Variants in EPHB1 observed in about 807,000 individuals in gnomAD.
EPHB1 encodes EPH receptor B1, also known as ephrin type-B receptor 1.
EPHB1 carries 30 observed loss-of-function variants against 94.4 expected under a neutral mutation model. That is an observed-to-expected ratio of 0.32 (90% CI 0.24 to 0.43). EPHB1 has a LOEUF of 0.43. EPHB1 is among the 20% of genes least tolerant of loss of function. The pLI is 1.00. For missense variants in EPHB1, 1,055 were observed against 1,308.3 expected (o/e 0.81, Z 2.99); for synonymous variants, 522 against 489.1 (o/e 1.07, Z -0.89).
At chr3:135,066,834 G>A (rs903249962) in intron 3 of EPHB1, among the ~76,000 whole-genome samples, 4 of 152,130 alleles carry the variant, frequency 2.6e-5, no homozygotes, top group African/African-American at 9.7e-5. Flanking sequence ...TCTGTCAGAG[G>A]GAAAGGGCTG....
intron 1 of EPHB1, among the ~76,000 whole-genome samples, chr3:134,825,802 C>G (rs1454602788): frequency 1.3e-5 from 2 of 152,184 alleles, no homozygotes; most frequent in African/African-American, 4.8e-5. Context: ...CTTTCACGAT[C>G]CTTTTCTTCC....
At position 135,260,291 on chromosome 3, in the gene EPHB1, G is replaced by A. The variant is rs1933587234; in HGVS notation, c.*1171G>A. On this transcript the variant is annotated 3_prime_UTR_variant, in exon 16 of 16. Transcript: ENST00000398015. ...TTAAGCCGTGTGGCATCCGAGGAAT[G>A]TTTCAAATGTGTCTGTGTTTCTCTT... 4.3e-6 allele frequency: 1 copy of A among 233,002 alleles called. No homozygotes were observed. The highest frequency in any genetic ancestry group is 8.5e-6 in the Non-Finnish European group (1 of 117,648). 14.4% of individuals were successfully genotyped at this position (233,002 alleles called of 1,614,324 possible).
intron 12 of EPHB1, among the ~76,000 whole-genome samples, chr3:135,203,960 C>T (rs1942828034): frequency 6.6e-6 from 1 of 152,104 alleles, no homozygotes; most frequent in South Asian, 2.1e-4. Flanking sequence ...AATGATGCCT[C>T]ATTTTTAAAT....
chr3:135,078,547 G>A (rs560766564), intron 3 of EPHB1, among the ~76,000 whole-genome samples: 21 of 152,362 alleles, frequency 1.4e-4, no homozygotes, highest in South Asian at 4.1e-4. Context: ...TGGCCACAGC[G>A]AAATGGGTGG....
At chr3:135,009,200 C>T (rs1403752518) in intron 3 of EPHB1, among the ~76,000 whole-genome samples, 3 of 152,164 alleles carry the variant, frequency 2.0e-5, no homozygotes, top group African/African-American at 7.2e-5. Context: ...TGGCCCATCT[C>T]CAGAGTTGGA....
chr3:135,029,613 C>T (rs1409353189), intron 3 of EPHB1, among the ~76,000 whole-genome samples: 2 of 150,004 alleles, frequency 1.3e-5, no homozygotes, highest in South Asian at 2.2e-4. Flanking sequence ...TGATGGGCTT[C>T]CCTTTGAGGG....
chr3:134,893,979 A>G (rs1281223284), intron 1 of EPHB1, among the ~76,000 whole-genome samples: 1 of 152,162 alleles, frequency 6.6e-6, no homozygotes, highest in African/African-American at 2.4e-5. Context: ...TTTCTTCCCT[A>G]AGGAGCGCTC....
At chr3:134,899,386 G>C (rs533872084) in intron 1 of EPHB1, among the ~76,000 whole-genome samples, 5 of 152,212 alleles carry the variant, frequency 3.3e-5, no homozygotes, top group South Asian at 2.1e-4. Context: ...TGGGCAGCTT[G>C]TTGACCCCCC....
intron 1 of EPHB1, among the ~76,000 whole-genome samples, chr3:134,905,705 G>A (rs2038309625): frequency 6.6e-6 from 1 of 152,206 alleles, no homozygotes. Context: ...GCCAAATCTG[G>A]ACTGACTCTT....
intron 1 of EPHB1, among the ~76,000 whole-genome samples, chr3:134,862,405 A>G (rs1375657078): frequency 6.6e-6 from 1 of 151,608 alleles, no homozygotes; most frequent in Non-Finnish European, 1.5e-5. Context: ...TGATTTAACC[A>G]CAGTTCTTTC....
intron 12 of EPHB1, among the ~76,000 whole-genome samples, chr3:135,240,454 G>A (rs1438295445): frequency 2.0e-5 from 3 of 152,156 alleles, no homozygotes; most frequent in Non-Finnish European, 4.4e-5. Context: ...GGAGAAACAA[G>A]CCTAAGAGTG....
intron 1 of EPHB1, among the ~76,000 whole-genome samples, chr3:134,907,780 G>T (rs1249103201): frequency 1.3e-5 from 2 of 151,988 alleles, no homozygotes; most frequent in African/African-American, 2.4e-5. Context: ...ATTCAGTAAA[G>T]TCTTGGGCCA....
At chr3:135,231,010 G>A (rs796216008) in intron 12 of EPHB1, among the ~76,000 whole-genome samples, 5 of 152,274 alleles carry the variant, frequency 3.3e-5, no homozygotes, top group African/African-American at 1.2e-4. Flanking sequence ...TTGCTGTCAT[G>A]AATAGCGAGG....
At chr3:134,963,135 CTCCTTCCTTCCTTCCT>C (rs59384593) in intron 3 of EPHB1, among the ~76,000 whole-genome samples, 4,932 of 137,066 alleles carry the variant, frequency 0.036, 207 homozygotes, top group African/African-American at 0.097. Flanking sequence ...CCTTCTCTTG[CTCCTTCCTTCCTTCCT>C]TCCTTCCTTC....
chr3:135,229,442 G>A (rs1943481686), intron 12 of EPHB1, among the ~76,000 whole-genome samples: 2 of 152,184 alleles, frequency 1.3e-5, no homozygotes, highest in African/African-American at 2.4e-5. Context: ...AGCTGTTGGA[G>A]GGCGGGGGCA....
chr3:135,154,376 G>T, intron 6 of EPHB1, 100 bp downstream of exon 6: 1 of 1,528,198 alleles, frequency 6.5e-7, no homozygotes. Context: ...CTGCTGAGGT[G>T]GGGAGGATTC....
chr3:135,221,468 C>G, intron 12 of EPHB1, among the ~76,000 whole-genome samples: 1 of 152,186 alleles, frequency 6.6e-6, no homozygotes, highest in East Asian at 1.9e-4. Context: ...ACAGTGAACT[C>G]ATTCTTTCCT....
chr3:134,986,757 A>G (rs1304277906), intron 3 of EPHB1, among the ~76,000 whole-genome samples: 2 of 137,678 alleles, frequency 1.5e-5, no homozygotes, highest in East Asian at 5.3e-4. Context: ...CCAAACAAAA[A>G]CAAGAGACCT....
chr3:134,957,711 C>T lies in EPHB1; in HGVS notation c.805+5659C>T, dbSNP rs75421173. On this transcript the variant is annotated intron_variant, in intron 3 of 15. Coordinates refer to ENST00000398015, the MANE Select transcript of EPHB1 (RefSeq NM_004441.5). The stretch of plus-strand genomic sequence containing the variant: ...CAGCTAGCCAGCACCAGCTGGGTCC[C>T]TAGGTACTGTCTTAAGAATGCCAGG... Among the ~76,000 whole-genome samples, 179 of 152,292 alleles carry T rather than the reference C, an allele frequency of 1.2e-3. 2 individuals carry two copies. The highest frequency in any genetic ancestry group is 4.1e-3 in the African/African-American group (172 of 41,560).
Sources: gnomAD v4.1 joint callset for allele counts (sites outside exome capture counted in the v4.1 genomes callset) on GRCh38, gnomAD v4.1.1 for gene constraint, MANE v1.5 for transcripts, NCBI Gene and HGNC (gene_info 2026-07-23, HGNC 2026-07-21) for gene names.